Variants in ZZEF1 observed in about 807,000 individuals in gnomAD.
ZZEF1 encodes zinc finger ZZ-type and EF-hand domain containing 1.
ZZEF1 carries 157 observed loss-of-function variants against 342.8 expected under a neutral mutation model. The ratio of observed to expected loss-of-function variants is 0.46; its 90% CI spans 0.40 to 0.52. ZZEF1 has a LOEUF of 0.52. Among genes scored for constraint, ZZEF1 ranks in the 20% least tolerant of loss-of-function variants. The pLI, the probability that ZZEF1 is intolerant of heterozygous loss-of-function variation, is 0.00. For missense variants in ZZEF1, 3,480 were observed against 3,725.6 expected (o/e 0.93, Z 1.72); for synonymous variants, 1,505 against 1,429.1 (o/e 1.05, Z -1.20).
chr17:4,139,265 G>A (rs2058803249), intron 1 of ZZEF1, among the ~76,000 whole-genome samples: 1 of 152,038 alleles, frequency 6.6e-6, no homozygotes, highest in African/African-American at 2.4e-5. Flanking sequence ...GAGGTCACAG[G>A]AATGTGAAAG....
rs1413619577 is a variant in ZZEF1, at chr17:4,014,028, C to G, written c.8413+62G>C. 7 of 1,478,350 alleles carry G rather than the reference C, an allele frequency of 4.7e-6. No individual in the cohort carries two copies. Among genetic ancestry groups the G allele is most frequent in the Non-Finnish European group, 6.6e-6 (7 of 1,060,876 alleles). 91.6% of individuals were successfully genotyped at this position (1,478,350 alleles called of 1,614,324 possible). A position where few individuals can be genotyped will look rare whatever the true frequency, so the allele number is the denominator to read the frequency against. ...AACCAAGATCAGTGACATCATGGCA[C>G]CCACAGCCATGGAGTGTCCCTGGCA... On this transcript the variant is annotated intron_variant, in intron 51 of 54. Coordinates refer to ENST00000381638, the MANE Select transcript of ZZEF1 (RefSeq NM_015113.4). The surrounding 1 kb of genome is among the most constrained non-coding windows in gnomAD (Gnocchi z 4.4).
At position 4,117,648 on chromosome 17, in the gene ZZEF1, C is replaced by CA. The variant is rs61155656; in HGVS notation, c.500-483dup. On this transcript the variant is annotated intron_variant, in intron 2 of 54. Transcript: ENST00000381638. ...GGGCAACAACAGTGAAACTCCACCT[C>CA]AAAAAAAAAAAAAAAAAAAAGAATT... Among the ~76,000 whole-genome samples the CA allele has an allele frequency of 3.2e-3, 285 of 88,986 alleles. 10 individuals carry two copies. Among genetic ancestry groups the CA allele is most frequent in the African/African-American group, 0.013 (276 of 20,574 alleles). The allele number at this position is 88,986 out of a possible 152,430, so 58.4% of individuals were successfully genotyped here.
At position 4,016,528 on chromosome 17, in the gene ZZEF1, T is replaced by C; in HGVS notation, c.8002-62A>G. On this transcript the variant is annotated intron_variant, in intron 48 of 54. Transcript: ENST00000381638. The surrounding 1 kb of genome is among the most constrained non-coding windows in gnomAD (Gnocchi z 4.4). Reference sequence around the variant, plus strand: ...AGTGGCATCAGGAAGAAGGGACAGTTTACTTCAACCCAAGCTCCACCCAAA... The same window carrying C: ...AGTGGCATCAGGAAGAAGGGACAGTCTACTTCAACCCAAGCTCCACCCAAA... The C allele has an allele frequency of 6.5e-7, 1 of 1,546,266 alleles. No homozygotes were observed. The highest frequency in any genetic ancestry group is 1.2e-5 in the South Asian group (1 of 82,012).
intron 52 of ZZEF1, 38 bp from the exon 53 acceptor site, chr17:4,009,795 A>T: frequency 6.2e-7 from 1 of 1,602,518 alleles, no homozygotes; most frequent in South Asian, 1.1e-5. Context: ...GTTTACTGAG[A>T]GCCATGCCAA....
chr17:4,099,381 C>T (rs1398555657), intron 9 of ZZEF1, among the ~76,000 whole-genome samples: 7 of 151,942 alleles, frequency 4.6e-5, no homozygotes, highest in African/African-American at 1.5e-4. Flanking sequence ...CCATGCCCAG[C>T]TAATTTTTTA....
rs1483736180 is a variant in ZZEF1 at position 4,064,828 on chromosome 17, T to C, written c.4251A>G (p.Ala1417=). 1.3e-6 allele frequency: 2 copies of C among 1,537,038 alleles called. No homozygotes were observed. The highest frequency in any genetic ancestry group is 2.9e-5 in the African/African-American group (2 of 69,060). The change falls in exon 29 of 55, where the codon GCA becomes GCG. Residue 1417 remains alanine (A), a splice_region_variant and synonymous_variant. Transcript: ENST00000381638. ...GAAGACTCTTCTCAATGCACTCTTT[T>C]GCTAGATGCAAACAAGAATCATAAT... The part of the protein sequence containing the change: ...EATEVNPESL[A]KECIEKSLLL...
chr17:4,018,067 C>T, intron 46 of ZZEF1, 96 bp from the exon 47 acceptor site: 1 of 1,494,850 alleles, frequency 6.7e-7, no homozygotes, highest in Admixed American at 1.7e-5. Flanking sequence ...CAGAGTTGTT[C>T]TTCTGTTAGT....
At chr17:4,009,783 C>T (rs1347232779) in intron 52 of ZZEF1, 26 bp from the exon 53 acceptor site, 3 of 1,609,302 alleles carry the variant, frequency 1.9e-6, no homozygotes, top group Non-Finnish European at 2.5e-6. Flanking sequence ...CGGAGGTGGT[C>T]AGTTTACTGA....
At chr17:4,042,044 G>A (rs866891101) in intron 39 of ZZEF1, among the ~76,000 whole-genome samples, 1 of 152,142 alleles carries the variant, frequency 6.6e-6, no homozygotes, top group Middle Eastern at 3.2e-3. Context: ...TATTGAGGGT[G>A]AAGTGTCAAT....
At chr17:4,125,070 C>T (rs369175055) in intron 1 of ZZEF1, among the ~76,000 whole-genome samples, 5 of 152,272 alleles carry the variant, frequency 3.3e-5, no homozygotes, top group South Asian at 4.1e-4. Flanking sequence ...AAAAGCACAT[C>T]GGCCCTGTAG....
chr17:4,043,023 G>A lies in ZZEF1; in HGVS notation c.6167-455C>T, dbSNP rs181060435. Among the ~76,000 whole-genome samples the A allele has an allele frequency of 2.8e-3, 419 of 152,232 alleles. 2 individuals are homozygous for A. The highest frequency in any genetic ancestry group is 9.6e-3 in the African/African-American group (398 of 41,534). On this transcript the variant is annotated intron_variant, in intron 38 of 54. Coordinates refer to ENST00000381638, the MANE Select transcript of ZZEF1 (RefSeq NM_015113.4). Reference sequence around the variant, plus strand: ...AAAGCCTATGGCTGGGCATGTCTGCGCTCAGCTGTTTCCTTCTCCAGGAGG... The same window carrying A: ...AAAGCCTATGGCTGGGCATGTCTGCACTCAGCTGTTTCCTTCTCCAGGAGG...
intron 28 of ZZEF1, among the ~76,000 whole-genome samples, chr17:4,066,208 C>T (rs940582856): frequency 5.9e-5 from 9 of 152,218 alleles, no homozygotes; most frequent in East Asian, 1.9e-4. Context: ...CACCTGATGC[C>T]GCCTAAGAGA....
chr17:4,035,645 C>T (rs935596614), intron 39 of ZZEF1, among the ~76,000 whole-genome samples: 3 of 152,150 alleles, frequency 2.0e-5, no homozygotes, highest in Non-Finnish European at 4.4e-5. Flanking sequence ...AGTGTCCGAA[C>T]CTAAGTGGAG....
intron 3 of ZZEF1, among the ~76,000 whole-genome samples, chr17:4,116,544 C>A (rs1436699292): frequency 6.6e-6 from 1 of 152,184 alleles, no homozygotes; most frequent in African/African-American, 2.4e-5. Flanking sequence ...TGGCTTCCTT[C>A]ATTTATCCAG....
At chr17:4,021,573 T>C (rs75017934) in intron 44 of ZZEF1, among the ~76,000 whole-genome samples, 1,683 of 152,342 alleles carry the variant, frequency 0.011, 27 homozygotes, top group African/African-American at 0.039. Context: ...TCGTCCTTTT[T>C]AGAACTTCTT....
intron 3 of ZZEF1, among the ~76,000 whole-genome samples, chr17:4,115,107 G>A (rs564092368): frequency 1.3e-5 from 2 of 151,984 alleles, no homozygotes; most frequent in African/African-American, 2.4e-5. Context: ...CCGCAGCCTC[G>A]ATCTCCTAGG....
At chr17:4,052,914 G>C (rs993236586) in intron 34 of ZZEF1, among the ~76,000 whole-genome samples, 1 of 152,152 alleles carries the variant, frequency 6.6e-6, no homozygotes, top group Non-Finnish European at 1.5e-5. Context: ...CAGTGAGTGA[G>C]AGAGAATAAC....
chr17:4,025,000 G>A lies in ZZEF1; in HGVS notation c.7011C>T (p.Ser2337=), dbSNP rs1353422934. 7 of 1,614,076 alleles carry A rather than the reference G, an allele frequency of 4.3e-6. No homozygotes were observed. Among genetic ancestry groups the A allele is most frequent in the African/African-American group, 1.3e-5 (1 of 74,922 alleles). ...CTGCCTCGGGACAATGGCTGTCCAT[G>A]CTGCTTTGCAGAAGGTGACTGGCGA... The part of the protein sequence containing the change: ...AFIASHLLQS[S]MDSHCPEAVE... The change falls in exon 43 of 55, where the codon AGC becomes AGT. Residue 2337 remains serine (S), a synonymous_variant. Transcript: ENST00000381638.
chr17:4,022,893 A>G (rs1307540658), intron 43 of ZZEF1, 65 bp from the exon 44 acceptor site: 3 of 1,580,216 alleles, frequency 1.9e-6, no homozygotes, highest in Admixed American at 3.5e-5. Context: ...CCTTAGCTGT[A>G]ACTCAGTCTG....
Sources: allele counts gnomAD v4.1 joint callset (sites outside exome capture counted in the v4.1 genomes callset), GRCh38; gene constraint gnomAD v4.1.1; non-coding constraint Gnocchi (gnomAD v3.1); transcripts MANE v1.5; gene names NCBI Gene and HGNC (gene_info 2026-07-23, HGNC 2026-07-21).